FAM227B: variants seen among roughly 807,000 people sequenced by gnomAD.
The protein encoded by FAM227B is protein FAM227B.
FAM227B carries 88 observed loss-of-function variants against 73.8 expected under a neutral mutation model. The observed-to-expected ratio is 1.19, with a 90% CI of 1.00 to 1.42. FAM227B has a LOEUF of 1.42. Ranked by LOEUF, FAM227B falls within the 40% of genes most tolerant of loss-of-function variation. The pLI, the probability that FAM227B is intolerant of heterozygous loss-of-function variation, is 0.00. For synonymous variants in FAM227B, 210 were observed against 190.5 expected (o/e 1.10, Z -0.84); for missense variants, 632 against 590.9 (o/e 1.07, Z -0.72).
chr15:49,395,529 A>T (rs565037142), intron 11 of FAM227B, among the ~76,000 whole-genome samples: 184 of 152,332 alleles, frequency 1.2e-3, no homozygotes, highest in African/African-American at 4.3e-3. Flanking sequence ...GGGTTAGCAT[A>T]GGCAGAAGTA....
At chr15:49,422,821 T>G in intron 11 of FAM227B, 3 of 945,868 alleles carry the variant, frequency 3.2e-6, no homozygotes, top group Non-Finnish European at 4.8e-6. Flanking sequence ...AAGGCACTCA[T>G]ATGTTAGTTA....
At chr15:49,521,222 G>A (rs2152168744) in intron 10 of FAM227B, among the ~76,000 whole-genome samples, 1 of 152,298 alleles carries the variant, frequency 6.6e-6, no homozygotes, top group South Asian at 2.1e-4. Context: ...AACACACTCT[G>A]ACTTTGGCAA....
At chr15:49,539,122 C>T (rs2070695213) in intron 10 of FAM227B, among the ~76,000 whole-genome samples, 2 of 151,958 alleles carry the variant, frequency 1.3e-5, no homozygotes, top group South Asian at 2.1e-4. Context: ...GGTGTGAAGG[C>T]ATTGACTAGG....
At chr15:49,482,504 T>C (rs1436230419) in intron 11 of FAM227B, among the ~76,000 whole-genome samples, 1 of 152,112 alleles carries the variant, frequency 6.6e-6, no homozygotes, top group Admixed American at 6.5e-5. Flanking sequence ...CTGTTTACCA[T>C]CATTTACACT....
intron 10 of FAM227B, among the ~76,000 whole-genome samples, chr15:49,518,221 A>C (rs1298315249): frequency 6.6e-6 from 1 of 152,190 alleles, no homozygotes; most frequent in Non-Finnish European, 1.5e-5. Flanking sequence ...GTTGTCCAAA[A>C]TTATTGTATT....
chr15:49,347,045 C>G (rs2041609160), intron 13 of FAM227B, among the ~76,000 whole-genome samples: 1 of 152,124 alleles, frequency 6.6e-6, no homozygotes, highest in Non-Finnish European at 1.5e-5. Flanking sequence ...GAATCTTACC[C>G]AGATTCTAAA....
chr15:49,391,600 G>A (rs1441775368), intron 11 of FAM227B, among the ~76,000 whole-genome samples: 2 of 152,014 alleles, frequency 1.3e-5, no homozygotes, highest in East Asian at 1.9e-4. Context: ...AGAGAGTAAT[G>A]CCCACAGGTC....
In FAM227B at chr15:49,460,440, A is replaced by C. The variant is rs575840198; in HGVS notation, c.1012+47771T>G. The stretch of plus-strand genomic sequence containing the variant: ...TATATGATCTCTGATTCCACTGCAA[A>C]GTCTGAATGCATGTGCTCAAATTAG... On this transcript the variant is annotated intron_variant, in intron 11 of 15. Transcript: ENST00000299338. Among the ~76,000 whole-genome samples, 3 of 152,316 alleles carry C rather than the reference A, an allele frequency of 2.0e-5. No homozygotes were observed. The South Asian group carries it at 6.2e-4, about 32-fold the overall frequency.
At chr15:49,404,932 T>C (rs1342601370) in intron 11 of FAM227B, among the ~76,000 whole-genome samples, 1 of 152,214 alleles carries the variant, frequency 6.6e-6, no homozygotes, top group Admixed American at 6.5e-5. Context: ...CAGGAGCTCT[T>C]GTAAGGCAGT....
intron 9 of FAM227B, among the ~76,000 whole-genome samples, chr15:49,548,334 A>C (rs1260326334): frequency 6.6e-6 from 1 of 152,112 alleles, no homozygotes; most frequent in Non-Finnish European, 1.5e-5. Flanking sequence ...ATTGATTTGC[A>C]TATGTTGAAC....
intron 10 of FAM227B, among the ~76,000 whole-genome samples, chr15:49,515,808 A>G (rs2059338605): frequency 6.6e-6 from 1 of 152,116 alleles, no homozygotes; most frequent in Non-Finnish European, 1.5e-5. Flanking sequence ...CTTCTTCTCA[A>G]AAACAGTATT....
chr15:49,580,122 T>C (rs997635529), intron 5 of FAM227B, among the ~76,000 whole-genome samples: 2 of 152,200 alleles, frequency 1.3e-5, no homozygotes, highest in South Asian at 2.1e-4. Flanking sequence ...ATAAATCCAA[T>C]AAAACTTTTA....
At chr15:49,438,198 A>T (rs2051289538) in intron 11 of FAM227B, among the ~76,000 whole-genome samples, 1 of 151,752 alleles carries the variant, frequency 6.6e-6, no homozygotes, top group Non-Finnish European at 1.5e-5. Context: ...CTTTACCCAT[A>T]GGCTATAAGG....
chr15:49,383,247 T>G (rs2151532008), intron 11 of FAM227B, among the ~76,000 whole-genome samples: 1 of 152,332 alleles, frequency 6.6e-6, no homozygotes, highest in South Asian at 2.1e-4. Context: ...CTTGTTTAAC[T>G]GCACTTTATT....
intron 11 of FAM227B, among the ~76,000 whole-genome samples, chr15:49,426,490 T>C (rs1013328429): frequency 3.9e-5 from 6 of 152,088 alleles, no homozygotes; most frequent in South Asian, 4.1e-4. Flanking sequence ...TGAAAATGAA[T>C]AGTATGCATA....
chr15:49,486,686 T>C (rs961790143), intron 11 of FAM227B: 4 of 151,986 alleles, frequency 2.6e-5, no homozygotes, highest in Non-Finnish European at 2.9e-5. Flanking sequence ...TCAAATTACA[T>C]AGCAATGCTG....
chr15:49,508,061 G>T, intron 11 of FAM227B, 150 bp downstream of exon 11: 1 of 739,332 alleles, frequency 1.4e-6, no homozygotes, highest in Non-Finnish European at 2.1e-6. Context: ...AAGGACTTAA[G>T]TGTGTACCAC....
intron 5 of FAM227B, among the ~76,000 whole-genome samples, chr15:49,583,782 G>A (rs1284433267): frequency 6.6e-6 from 1 of 151,956 alleles, no homozygotes; most frequent in East Asian, 1.9e-4. Context: ...TAAATTCCTG[G>A]ACACATATAC....
chr15:49,575,653 A>G (rs2075396305), intron 7 of FAM227B, among the ~76,000 whole-genome samples: 1 of 152,164 alleles, frequency 6.6e-6, no homozygotes, highest in African/African-American at 2.4e-5. Context: ...ATGCTCAATA[A>G]TCATATTTGG....
Sources: gnomAD v4.1 joint callset for allele counts (sites outside exome capture counted in the v4.1 genomes callset) on GRCh38, gnomAD v4.1.1 for gene constraint, MANE v1.5 for transcripts, NCBI Gene and HGNC (gene_info 2026-07-23, HGNC 2026-07-21) for gene names.